The following PLEKHA7 variants were observed in gnomAD, a reference collection of about 807,000 sequenced individuals.
PLEKHA7 encodes the protein pleckstrin homology domain containing A7.
A neutral mutation model predicts 170.0 loss-of-function variants in PLEKHA7; 104 were observed. The ratio of observed to expected loss-of-function variants is 0.61; its 90% CI spans 0.52 to 0.72. PLEKHA7 has a LOEUF of 0.72. Ranked by LOEUF, PLEKHA7 falls within the 30% of genes least tolerant of loss-of-function variation. PLEKHA7 has a pLI of 0.00. For synonymous variants in PLEKHA7, 648 were observed against 660.8 expected, an observed-to-expected ratio of 0.98 and a Z score of 0.30; for missense variants, 1,615 against 1,671.7, an observed-to-expected ratio of 0.97 and a Z score of 0.59.
chr11:16,908,043 G>A (rs1303183378), intron 3 of PLEKHA7, among the ~76,000 whole-genome samples: 1 of 151,698 alleles, frequency 6.6e-6, no homozygotes, highest in African/African-American at 2.4e-5. Context: ...GATGTGCTTT[G>A]TTAAACAGAT....
intron 3 of PLEKHA7, among the ~76,000 whole-genome samples, chr11:16,943,451 C>T (rs893154718): frequency 2.6e-5 from 4 of 152,232 alleles, no homozygotes; most frequent in East Asian, 1.9e-4. Flanking sequence ...TCCCCCGATA[C>T]AGGAAAGTAC....
Position 16,789,454 on chromosome 11 carries a change from A to G in PLEKHA7, c.3157-158T>C. 1 of 694,720 alleles carries G rather than the reference A, an allele frequency of 1.4e-6. No homozygotes were observed. Among genetic ancestry groups the G allele is most frequent in the Non-Finnish European group, 2.4e-6 (1 of 413,888 alleles). The allele number at this position is 694,720 out of a possible 1,614,324, so 43.0% of individuals were successfully genotyped here. On this transcript the variant is annotated intron_variant, in intron 22 of 26. Transcript: ENST00000531066. This position sits in a 1 kb window ranked among gnomAD's most constrained non-coding sequence, Gnocchi z 4.6. ...CCTTAGAGAACTATTTCCTCTAAGC[A>G]ACACGATGCCCCCAACCCTCAGGAG...
chr11:16,805,587 C>G (rs1415098548), intron 13 of PLEKHA7, among the ~76,000 whole-genome samples: 3 of 151,782 alleles, frequency 2.0e-5, no homozygotes, highest in African/African-American at 7.3e-5. Context: ...GTCAGGAGTT[C>G]AAGATCAGTC....
intron 9 of PLEKHA7, among the ~76,000 whole-genome samples, chr11:16,840,785 A>C (rs570027927): frequency 3.9e-5 from 6 of 152,304 alleles, no homozygotes; most frequent in African/African-American, 1.4e-4. Flanking sequence ...TGCATGAAAG[A>C]GATCATAAAG....
rs764014898 is a variant in PLEKHA7, at chr11:16,789,310, G to C, written c.3157-14C>G. 2.5e-6 allele frequency: 4 copies of C among 1,611,732 alleles called. No homozygotes were observed. The African/African-American group carries it at 4.0e-5, about 16-fold the overall frequency. The stretch of plus-strand genomic sequence containing the variant: ...ACTCTTAGGTCTCTGAGGAAGAGGA[G>C]GCAGGCAAGAGAGACACAGAACAGC... On this transcript the variant is annotated splice_polypyrimidine_tract_variant and intron_variant, in intron 22 of 26. Coordinates refer to ENST00000531066, the MANE Select transcript of PLEKHA7 (RefSeq NM_001329630.2). This position sits in a 1 kb window ranked among gnomAD's most constrained non-coding sequence, Gnocchi z 4.6.
intron 24 of PLEKHA7, among the ~76,000 whole-genome samples, chr11:16,785,764 A>T (rs1363375995): frequency 6.6e-6 from 1 of 152,124 alleles, no homozygotes; most frequent in Non-Finnish European, 1.5e-5. Context: ...CATGGCTGGA[A>T]ATTTCGCCTG....
chr11:16,781,798 C>G (rs908156196), intron 26 of PLEKHA7, among the ~76,000 whole-genome samples: 1 of 152,246 alleles, frequency 6.6e-6, no homozygotes, highest in Admixed American at 6.5e-5. Context: ...AGGACCCTGC[C>G]GGCCACATCC....
At chr11:16,905,799 T>C (rs571825063) in intron 3 of PLEKHA7, among the ~76,000 whole-genome samples, 3 of 152,320 alleles carry the variant, frequency 2.0e-5, no homozygotes, top group South Asian at 2.1e-4. Flanking sequence ...CACGACCCCA[T>C]CTGAACTCAA....
intron 9 of PLEKHA7, among the ~76,000 whole-genome samples, chr11:16,836,835 T>G (rs1399491996): frequency 1.3e-5 from 2 of 152,080 alleles, no homozygotes; most frequent in Non-Finnish European, 2.9e-5. Context: ...TGTTTTGTTT[T>G]GTTTTTGAGA....
chr11:16,874,238 G>A (rs1297932016), intron 3 of PLEKHA7, among the ~76,000 whole-genome samples: 6 of 152,192 alleles, frequency 3.9e-5, no homozygotes, highest in Admixed American at 3.9e-4. Context: ...CAGGTGCAGT[G>A]GCTCACACCT....
chr11:16,825,328 C>G (rs976161362), intron 10 of PLEKHA7, among the ~76,000 whole-genome samples: 6 of 152,256 alleles, frequency 3.9e-5, no homozygotes, highest in Admixed American at 1.3e-4. Context: ...CTGTGGCAGA[C>G]TTGGTCTGGA....
At chr11:16,947,032 A>G (rs765294593) in intron 3 of PLEKHA7, among the ~76,000 whole-genome samples, 9 of 152,196 alleles carry the variant, frequency 5.9e-5, no homozygotes, top group Non-Finnish European at 1.0e-4. Flanking sequence ...CTGGGAACCT[A>G]TAAAGAATAC....
intron 3 of PLEKHA7, among the ~76,000 whole-genome samples, chr11:16,895,269 A>C (rs1247505661): frequency 6.6e-6 from 1 of 152,198 alleles, no homozygotes; most frequent in African/African-American, 2.4e-5. Flanking sequence ...AGGCATGGAC[A>C]CTGACTGGCT....
intron 3 of PLEKHA7, among the ~76,000 whole-genome samples, chr11:16,933,776 T>C (rs1860102035): frequency 6.6e-6 from 1 of 152,218 alleles, no homozygotes; most frequent in Admixed American, 6.5e-5. Context: ...TGGCATCTCA[T>C]GGTCTTGTGA....
At chr11:16,986,116 C>A (rs1022174250) in intron 3 of PLEKHA7, among the ~76,000 whole-genome samples, 1 of 152,054 alleles carries the variant, frequency 6.6e-6, no homozygotes, top group Non-Finnish European at 1.5e-5. Flanking sequence ...TGTGTTCAGG[C>A]CAGAGGGGAA....
chr11:16,795,632 T>C (rs1848169530), intron 17 of PLEKHA7, among the ~76,000 whole-genome samples: 1 of 151,546 alleles, frequency 6.6e-6, no homozygotes, highest in African/African-American at 2.4e-5. Context: ...CTACTATAAA[T>C]ACAAAAATTA....
intron 3 of PLEKHA7, among the ~76,000 whole-genome samples, chr11:16,991,473 GAGA>G (rs1864038513): frequency 6.6e-6 from 1 of 152,004 alleles, no homozygotes; most frequent in Non-Finnish European, 1.5e-5. Context: ...GAGTGTGCTG[GAGA>G]AGAAGAGTCA....
intron 3 of PLEKHA7, among the ~76,000 whole-genome samples, chr11:16,917,536 C>G (rs1432891199): frequency 6.6e-6 from 1 of 152,146 alleles, no homozygotes; most frequent in Admixed American, 6.5e-5. Flanking sequence ...CTAGAGGCTG[C>G]CCACATTCCT....
At chr11:16,920,587 A>G (rs1859014958) in intron 3 of PLEKHA7, among the ~76,000 whole-genome samples, 1 of 152,228 alleles carries the variant, frequency 6.6e-6, no homozygotes, top group Admixed American at 6.5e-5. Flanking sequence ...AGGAAAAATT[A>G]TTTAAATTAT....
Sources: gnomAD v4.1 joint callset for allele counts (sites outside exome capture counted in the v4.1 genomes callset) on GRCh38, gnomAD v4.1.1 for gene constraint, Gnocchi (gnomAD v3.1) non-coding constraint, MANE v1.5 for transcripts, NCBI Gene and HGNC (gene_info 2026-07-23, HGNC 2026-07-21) for gene names.